Variants in GBE1 observed in about 807,000 individuals in gnomAD.
The protein encoded by GBE1 is 1,4-alpha-glucan branching enzyme 1.
A neutral mutation model predicts 88.8 loss-of-function variants in GBE1; 70 were observed. That is an observed-to-expected ratio of 0.79 (90% confidence interval 0.65 to 0.96). GBE1 has a LOEUF of 0.96. Among genes scored for constraint, GBE1 ranks in the 40% least tolerant of loss-of-function variants. GBE1 has a pLI of 0.00. For missense variants in GBE1, 872 were observed against 871.0 expected (o/e 1.00, Z -0.01); for synonymous variants, 284 against 300.1 (o/e 0.95, Z 0.56).
chr3:81,600,577 G>A (rs1559658491), intron 7 of GBE1, among the ~76,000 whole-genome samples: 1 of 152,032 alleles, frequency 6.6e-6, no homozygotes, highest in Non-Finnish European at 1.5e-5. Flanking sequence ...TAAAGTATCT[G>A]GGAACTGATT....
intron 1 of GBE1, among the ~76,000 whole-genome samples, chr3:81,737,506 C>G (rs1479070175): frequency 6.1e-5 from 9 of 148,562 alleles, no homozygotes; most frequent in African/African-American, 2.2e-4. Flanking sequence ...ATGTGTGCCA[C>G]AGACCACTGC....
At chr3:81,732,364 A>G (rs542365640) in intron 1 of GBE1, among the ~76,000 whole-genome samples, 4 of 152,184 alleles carry the variant, frequency 2.6e-5, no homozygotes, top group Non-Finnish European at 5.9e-5. Flanking sequence ...AAAATTCCAA[A>G]TAAGTGTGGT....
At chr3:81,621,609 A>T (rs1190339061) in intron 7 of GBE1, among the ~76,000 whole-genome samples, 1 of 152,106 alleles carries the variant, frequency 6.6e-6, no homozygotes, top group Admixed American at 6.5e-5. Flanking sequence ...TGTACCTACT[A>T]TCCTTCTTCG....
intron 12 of GBE1, among the ~76,000 whole-genome samples, chr3:81,555,210 T>C (rs932359695): frequency 7.2e-5 from 11 of 152,236 alleles, no homozygotes; most frequent in African/African-American, 2.7e-4. Flanking sequence ...AATTGGGCTA[T>C]CAAATGGCTT....
chr3:81,720,761 T>C lies in GBE1; in HGVS notation c.144-15148A>G, dbSNP rs564079936. Among the ~76,000 whole-genome samples the C allele has an allele frequency of 5.9e-5, 9 of 151,986 alleles. No individual in the cohort carries two copies. The South Asian group carries it at 1.0e-3, about 18-fold the overall frequency. Reference sequence around the variant, plus strand: ...AAACCCACATGCACACGTATGTTTATTGCGGCACTATTCACAATAGCAAAG... The same window carrying C: ...AAACCCACATGCACACGTATGTTTACTGCGGCACTATTCACAATAGCAAAG... On this transcript the variant is annotated intron_variant, in intron 1 of 15. Coordinates refer to ENST00000429644, the MANE Select transcript of GBE1 (RefSeq NM_000158.4).
chr3:81,526,249 C>T (rs889517447), intron 14 of GBE1, among the ~76,000 whole-genome samples: 1 of 151,852 alleles, frequency 6.6e-6, no homozygotes, highest in East Asian at 1.9e-4. Flanking sequence ...TTACGACAAA[C>T]CCACAGCCAA....
At chr3:81,511,085 C>A (rs1702720713) in intron 14 of GBE1, among the ~76,000 whole-genome samples, 1 of 151,952 alleles carries the variant, frequency 6.6e-6, no homozygotes. Flanking sequence ...GGAAAGGACT[C>A]CCTATTTAAT....
chr3:81,614,800 A>G (rs767684112), intron 7 of GBE1, among the ~76,000 whole-genome samples: 32 of 152,172 alleles, frequency 2.1e-4, no homozygotes, highest in Non-Finnish European at 8.8e-5. Flanking sequence ...CGGAGGTTGC[A>G]GTGAGCCAAG....
chr3:81,660,678 T>C (rs747124618), intron 3 of GBE1, among the ~76,000 whole-genome samples: 3 of 150,786 alleles, frequency 2.0e-5, no homozygotes, highest in Non-Finnish European at 4.4e-5. Context: ...TACTGACATA[T>C]TAGGATGGAT....
chr3:81,627,610 T>C (rs1311134852), intron 7 of GBE1, among the ~76,000 whole-genome samples: 1 of 152,074 alleles, frequency 6.6e-6, no homozygotes, highest in Non-Finnish European at 1.5e-5. Context: ...GTTAAATGTA[T>C]GTGTGTTGTT....
At chr3:81,569,667 A>G (rs2106921873) in intron 12 of GBE1, among the ~76,000 whole-genome samples, 1 of 152,344 alleles carries the variant, frequency 6.6e-6, no homozygotes, top group East Asian at 1.9e-4. Context: ...TAATGGAGAA[A>G]ACTAGCAGTC....
intron 14 of GBE1, among the ~76,000 whole-genome samples, chr3:81,533,140 A>G (rs115763360): frequency 6.4e-4 from 98 of 152,212 alleles, no homozygotes; most frequent in African/African-American, 2.3e-3. Context: ...TATTCTGTAA[A>G]TGTATTTTGG....
chr3:81,544,369 C>T (rs1054830371), intron 12 of GBE1, among the ~76,000 whole-genome samples: 1 of 152,056 alleles, frequency 6.6e-6, no homozygotes, highest in Non-Finnish European at 1.5e-5. Flanking sequence ...AAAGCATGAT[C>T]GTTCTGCTCA....
intron 15 of GBE1, among the ~76,000 whole-genome samples, chr3:81,495,681 A>C (rs1702491955): frequency 6.6e-6 from 1 of 152,208 alleles, no homozygotes; most frequent in Admixed American, 6.5e-5. Context: ...ACATTAAAAA[A>C]GTAAACTAAA....
chr3:81,524,365 T>C (rs1462148313), intron 14 of GBE1, among the ~76,000 whole-genome samples: 1 of 151,902 alleles, frequency 6.6e-6, no homozygotes, highest in Non-Finnish European at 1.5e-5. Context: ...TTGTTTGAGC[T>C]CCTTATGTAT....
intron 15 of GBE1, among the ~76,000 whole-genome samples, chr3:81,497,391 A>G (rs747092284): frequency 2.0e-5 from 3 of 152,206 alleles, no homozygotes; most frequent in African/African-American, 4.8e-5. Flanking sequence ...TACATGTGCA[A>G]TAGCATTTTA....
At chr3:81,522,564 TA>T (rs1408845413) in intron 14 of GBE1, among the ~76,000 whole-genome samples, 2 of 151,368 alleles carry the variant, frequency 1.3e-5, no homozygotes, top group African/African-American at 4.8e-5. Flanking sequence ...TTAAAATATA[TA>T]AAGTAAAAAA....
intron 12 of GBE1, among the ~76,000 whole-genome samples, chr3:81,571,057 C>G (rs1703567081): frequency 6.6e-6 from 1 of 152,010 alleles, no homozygotes; most frequent in African/African-American, 2.4e-5. Flanking sequence ...ACATATTACT[C>G]TGAAACAAAC....
chr3:81,748,500 A>G (rs1265113494), intron 1 of GBE1, among the ~76,000 whole-genome samples: 1 of 151,398 alleles, frequency 6.6e-6, no homozygotes, highest in South Asian at 2.1e-4. Context: ...AGTCCCAGCT[A>G]CTCGGGAGAC....
Sources: allele counts gnomAD v4.1 joint callset (sites outside exome capture counted in the v4.1 genomes callset), GRCh38; gene constraint gnomAD v4.1.1; transcripts MANE v1.5; gene names NCBI Gene and HGNC (gene_info 2026-07-23, HGNC 2026-07-21).